Variants in MIA2 observed in about 807,000 individuals in gnomAD.
MIA2 encodes the protein melanoma inhibitory activity protein 2.
A neutral mutation model predicts 167.8 loss-of-function variants in MIA2; 127 were observed. The observed-to-expected ratio is 0.76, with a 90% CI of 0.66 to 0.88. The LOEUF (loss-of-function observed/expected upper bound fraction) is 0.88. Among genes scored for constraint, MIA2 ranks in the 40% least tolerant of loss-of-function variants. MIA2 has a pLI of 0.00. For missense variants in MIA2, 1,690 were observed against 1,624.7 expected, an observed-to-expected ratio of 1.04 and a Z score of -0.69; for synonymous variants, 552 against 541.9, an observed-to-expected ratio of 1.02 and a Z score of -0.26.
At chr14:39,305,741 G>A (rs2063233604) in intron 17 of MIA2, among the ~76,000 whole-genome samples, 1 of 152,136 alleles carries the variant, frequency 6.6e-6, no homozygotes, top group Admixed American at 6.5e-5. Flanking sequence ...TTCAAGACCA[G>A]CTTGGTCAAC....
intron 14 of MIA2, among the ~76,000 whole-genome samples, chr14:39,301,785 T>G (rs2062546398): frequency 1.3e-5 from 2 of 152,212 alleles, no homozygotes; most frequent in Non-Finnish European, 2.9e-5. Context: ...ATGTGTTTGG[T>G]GTCACACAGA....
chr14:39,260,003 C>T (rs1453140539), intron 6 of MIA2, among the ~76,000 whole-genome samples: 1 of 152,108 alleles, frequency 6.6e-6, no homozygotes, highest in Non-Finnish European at 1.5e-5. Context: ...ATGATGGTTT[C>T]CAGCTTCATC....
intron 25 of MIA2, 122 bp downstream of exon 25, chr14:39,327,144 TGAAAA>T: frequency 1.5e-6 from 1 of 673,562 alleles, no homozygotes; most frequent in Non-Finnish European, 2.2e-6. Flanking sequence ...CGTACATTTT[TGAAAA>T]CAACAATGAT....
At chr14:39,378,337 G>GC (rs1190186148) in intron 23 of MIA2, among the ~76,000 whole-genome samples, 1 of 152,168 alleles carries the variant, frequency 6.6e-6, no homozygotes. Context: ...CTCCTACTGT[G>GC]CTCAATATTG....
chr14:39,303,398 C>T, intron 15 of MIA2, 80 bp from the exon 16 acceptor site: 1 of 1,083,192 alleles, frequency 9.2e-7, no homozygotes, highest in East Asian at 2.4e-5. Context: ...GTTTAGTGAA[C>T]TGATAAAATC....
chr14:39,248,590 T>C (rs2054413252), intron 4 of MIA2, among the ~76,000 whole-genome samples: 1 of 152,210 alleles, frequency 6.6e-6, no homozygotes, highest in South Asian at 2.1e-4. Context: ...CTTTATACTG[T>C]CCTGCTTTGA....
chr14:39,252,846 G>T lies in MIA2; in HGVS notation c.1666G>T (p.Val556Leu). ...TAGTGATGAAAATTCGAAACCATCA[G>T]TAGACACCGAAGGGCCTGCTCTGGT... ...KDSDENSKPS[V>L]DTEGPALVEI... Residue 556 changes from valine (V) to leucine (L), a missense_variant, in exon 5 of 29, where the codon GTA (valine) becomes TTA (leucine). Val to Leu is a conservative substitution (Grantham distance 32). Coordinates refer to ENST00000640607, the MANE Select transcript of MIA2 (RefSeq NM_001329214.4). 1 of 1,613,982 alleles carries T rather than the reference G, an allele frequency of 6.2e-7. No homozygotes were observed. Among genetic ancestry groups the T allele is most frequent in the Non-Finnish European group, 8.5e-7 (1 of 1,179,910 alleles).
intron 4 of MIA2, among the ~76,000 whole-genome samples, chr14:39,248,497 A>G (rs2054408612): frequency 1.3e-5 from 2 of 151,574 alleles, no homozygotes; most frequent in African/African-American, 4.9e-5. Context: ...CTCCACTCCC[A>G]CTGCTTTCCC....
chr14:39,235,143 C>G (rs927045002), intron 1 of MIA2, among the ~76,000 whole-genome samples: 1 of 151,734 alleles, frequency 6.6e-6, no homozygotes, highest in African/African-American at 2.4e-5. Flanking sequence ...TCAAGCGATT[C>G]TCCTGTCTCA....
chr14:39,314,197 T>A (rs950451819), intron 19 of MIA2, among the ~76,000 whole-genome samples: 5 of 151,890 alleles, frequency 3.3e-5, no homozygotes, highest in African/African-American at 1.2e-4. Context: ...CCCAGCCTGG[T>A]CAACATGATG....
At chr14:39,282,931 TTCTCTA>T (rs2059151341) in intron 9 of MIA2, among the ~76,000 whole-genome samples, 1 of 152,222 alleles carries the variant, frequency 6.6e-6, no homozygotes, top group Admixed American at 6.5e-5. Context: ...CACTGTTTTG[TTCTCTA>T]TCTCTATATA....
intron 13 of MIA2, among the ~76,000 whole-genome samples, 189 bp from the exon 14 acceptor site, chr14:39,299,675 T>C (rs1271027715): frequency 1.3e-5 from 2 of 152,178 alleles, no homozygotes; most frequent in African/African-American, 4.8e-5. Flanking sequence ...AGGAAACCTT[T>C]ATTTGATATA....
intron 24 of MIA2, among the ~76,000 whole-genome samples, chr14:39,325,347 ATATTT>A (rs1400176203): frequency 6.6e-6 from 1 of 150,974 alleles, no homozygotes; most frequent in Non-Finnish European, 1.5e-5. Flanking sequence ...AGGTATTAAT[ATATTT>A]TATTGAATGT....
At chr14:39,250,709 CATAT>C (rs72114250) in intron 4 of MIA2, among the ~76,000 whole-genome samples, 26,109 of 143,476 alleles carry the variant, frequency 0.18, 2,502 homozygotes, top group East Asian at 0.33. Context: ...AAAAAATATG[CATAT>C]ATATATATAT....
At chr14:39,373,561 C>T (rs914659364) in intron 23 of MIA2, among the ~76,000 whole-genome samples, 3 of 152,206 alleles carry the variant, frequency 2.0e-5, no homozygotes, top group Admixed American at 6.5e-5. Flanking sequence ...GTGGTTCACG[C>T]CTGTAATCCC....
intron 19 of MIA2, among the ~76,000 whole-genome samples, 192 bp downstream of exon 19, chr14:39,313,633 G>C (rs1439743086): frequency 6.6e-6 from 1 of 152,042 alleles, no homozygotes; most frequent in Non-Finnish European, 1.5e-5. Context: ...CAATTATACA[G>C]AAAATATAAA....
Position 39,247,220 on chromosome 14 carries a change from C to A in MIA2, c.646C>A (p.Pro216Thr), listed in dbSNP as rs79728805. 6.2e-6 allele frequency: 10 copies of A among 1,614,104 alleles called. No homozygotes were observed. The highest frequency in any genetic ancestry group is 8.5e-6 in the Non-Finnish European group (10 of 1,180,032). Reference sequence around the variant, plus strand: ...TCGTATTCCAGAAGTGCATGTCCCACCATCTTCAGCTGTGTCTGGAGTCAA... The same window carrying A: ...TCGTATTCCAGAAGTGCATGTCCCAACATCTTCAGCTGTGTCTGGAGTCAA... ...QDRIPEVHVP[P>T]SSAVSGVKEW... The change falls in exon 4 of 29, where the codon CCA becomes ACA. Residue 216 changes from proline to threonine, a missense_variant. Transcript: ENST00000640607.
At position 39,350,183 on chromosome 14, in the gene MIA2, T is replaced by C; in HGVS notation, c.4158T>C (p.Gly1386=). The C allele has an allele frequency of 7.0e-7, 1 of 1,427,966 alleles. No homozygotes were observed. The highest frequency in any genetic ancestry group is 9.6e-7 in the Non-Finnish European group (1 of 1,045,138). 88.5% of individuals were successfully genotyped at this position (1,427,966 alleles called of 1,614,324 possible). Residue 1386 remains glycine, a synonymous_variant, in exon 29 of 29, where the codon GGT becomes GGC. Coordinates refer to ENST00000640607, the MANE Select transcript of MIA2 (RefSeq NM_001329214.4). The part of the protein sequence containing the change: ...GFFPPPPHSE[G]RSEFPSGLIP... ...TCCCCCCACCCCCACATTCTGAAGGTAGAAGTGAGTTCCCCTCAGGTTTGA... is the reference window on the plus strand; with the variant it reads ...TCCCCCCACCCCCACATTCTGAAGGCAGAAGTGAGTTCCCCTCAGGTTTGA...
chr14:39,338,046 G>A (rs2070851765), intron 25 of MIA2, among the ~76,000 whole-genome samples: 1 of 152,106 alleles, frequency 6.6e-6, no homozygotes, highest in Non-Finnish European at 1.5e-5. Context: ...TTGAAATGAC[G>A]GTATAGAAAC....
Sources: gnomAD v4.1 joint callset for allele counts (sites outside exome capture counted in the v4.1 genomes callset) on GRCh38, gnomAD v4.1.1 for gene constraint, MANE v1.5 for transcripts, NCBI Gene and HGNC (gene_info 2026-07-23, HGNC 2026-07-21) for gene names.